The following KCNJ3 variants were observed in gnomAD, a reference collection of about 807,000 sequenced individuals.
KCNJ3 encodes the protein G protein-activated inward rectifier potassium channel 1.
Under a neutral mutation model 39.2 loss-of-function variants are expected in KCNJ3, and 4 were observed. That is an observed-to-expected ratio of 0.10 (90% CI 0.05 to 0.23). KCNJ3 has a LOEUF of 0.23. Ranked by LOEUF, KCNJ3 falls within the 10% of genes least tolerant of loss-of-function variation. The pLI, the probability that KCNJ3 is intolerant of heterozygous loss-of-function variation, is 1.00. For missense variants in KCNJ3, 276 were observed against 634.9 expected, an observed-to-expected ratio of 0.43 and a Z score of 6.08; for synonymous variants, 230 against 237.4, an observed-to-expected ratio of 0.97 and a Z score of 0.29.
intron 2 of KCNJ3, among the ~76,000 whole-genome samples, chr2:154,819,939 A>G (rs950300448): frequency 6.6e-6 from 1 of 152,000 alleles, no homozygotes; most frequent in African/African-American, 2.4e-5. Flanking sequence ...TATGATGAGT[A>G]TGTTCAAATT....
intron 2 of KCNJ3, among the ~76,000 whole-genome samples, chr2:154,839,334 T>C (rs988971310): frequency 5.2e-5 from 8 of 152,386 alleles, no homozygotes; most frequent in East Asian, 3.9e-4. Flanking sequence ...CAGTCTATCA[T>C]TGATGGACAT....
At chr2:154,753,645 AT>A (rs1263843081) in intron 2 of KCNJ3, among the ~76,000 whole-genome samples, 20 of 152,148 alleles carry the variant, frequency 1.3e-4, no homozygotes, top group Non-Finnish European at 1.9e-4. Flanking sequence ...AAAAATGTGT[AT>A]TTGACAACTC....
intron 2 of KCNJ3, among the ~76,000 whole-genome samples, chr2:154,736,567 T>G (rs1307660204): frequency 6.6e-6 from 1 of 151,948 alleles, no homozygotes; most frequent in Non-Finnish European, 1.5e-5. Flanking sequence ...ACTCAGAGGG[T>G]TTTACAATGT....
chr2:154,830,183 A>T (rs927959049), intron 2 of KCNJ3, among the ~76,000 whole-genome samples: 2 of 152,186 alleles, frequency 1.3e-5, no homozygotes, highest in Non-Finnish European at 2.9e-5. Context: ...CTAGTGTTTT[A>T]AATTATGTTT....
intron 2 of KCNJ3, among the ~76,000 whole-genome samples, chr2:154,769,684 G>T (rs1686203817): frequency 6.6e-6 from 1 of 152,102 alleles, no homozygotes; most frequent in South Asian, 2.1e-4. Context: ...TTGGTATCAG[G>T]ATGATGCTGG....
chr2:154,774,818 A>C (rs1242292683), intron 2 of KCNJ3, among the ~76,000 whole-genome samples: 1 of 152,228 alleles, frequency 6.6e-6, no homozygotes, highest in Non-Finnish European at 1.5e-5. Flanking sequence ...TTTATGTTTA[A>C]AATTTAGATA....
intron 2 of KCNJ3, among the ~76,000 whole-genome samples, chr2:154,734,786 A>T (rs1685498056): frequency 6.6e-6 from 1 of 152,150 alleles, no homozygotes; most frequent in African/African-American, 2.4e-5. Context: ...GTTTGATTTT[A>T]TAGAGTTTTG....
intron 2 of KCNJ3, among the ~76,000 whole-genome samples, chr2:154,826,089 TC>T (rs1687266340): frequency 6.6e-6 from 1 of 152,142 alleles, no homozygotes; most frequent in Non-Finnish European, 1.5e-5. Context: ...AGTAAATATT[TC>T]CCATATTTAA....
chr2:154,716,266 C>G (rs922914946), intron 2 of KCNJ3, among the ~76,000 whole-genome samples: 1 of 137,334 alleles, frequency 7.3e-6, no homozygotes, highest in African/African-American at 2.6e-5. Flanking sequence ...CCTGCCACCA[C>G]GGCCGGCTAA....
chr2:154,773,152 A>G (rs1324200890), intron 2 of KCNJ3, among the ~76,000 whole-genome samples: 3 of 152,134 alleles, frequency 2.0e-5, no homozygotes, highest in Non-Finnish European at 4.4e-5. Context: ...GCACATTTTG[A>G]CTATTGAAAT....
In KCNJ3 at chr2:154,805,101, T is replaced by C. The variant is rs948186944; in HGVS notation, c.920-49626T>C. 2.6e-5 allele frequency among the ~76,000 whole-genome samples: 4 copies of C among 152,082 alleles called. No individual in the cohort carries two copies. The South Asian group carries it at 8.3e-4, about 31-fold the overall frequency. ...AGAAGTGAACTTAGCAATTGGAATA[T>C]GGTGTGGAATTGAAAAGTTGCAATC... On this transcript the variant is annotated intron_variant, in intron 2 of 2. Coordinates refer to ENST00000295101, the MANE Select transcript of KCNJ3 (RefSeq NM_002239.4).
At chr2:154,750,080 C>G (rs958541567) in intron 2 of KCNJ3, among the ~76,000 whole-genome samples, 2 of 151,906 alleles carry the variant, frequency 1.3e-5, no homozygotes, top group Non-Finnish European at 1.5e-5. Context: ...GCAAGTATGT[C>G]CTCTTATTAA....
chr2:154,846,206 TTCC>T (rs1687660364), intron 2 of KCNJ3, among the ~76,000 whole-genome samples: 1 of 143,358 alleles, frequency 7.0e-6, no homozygotes, highest in Non-Finnish European at 1.5e-5. Flanking sequence ...TTATATATAC[TTCC>T]TCATATTCCA....
At chr2:154,763,730 A>G (rs189772079) in intron 2 of KCNJ3, among the ~76,000 whole-genome samples, 2 of 152,272 alleles carry the variant, frequency 1.3e-5, no homozygotes, top group African/African-American at 2.4e-5. Context: ...CCCCAGCTGT[A>G]CCTTCTAGCT....
chr2:154,830,956 C>T (rs1347773488), intron 2 of KCNJ3, among the ~76,000 whole-genome samples: 2 of 152,138 alleles, frequency 1.3e-5, no homozygotes, highest in African/African-American at 4.8e-5. Context: ...GAAATTGTTC[C>T]TAGCCAGCCT....
At chr2:154,842,833 T>C (rs1687598703) in intron 2 of KCNJ3, among the ~76,000 whole-genome samples, 2 of 152,196 alleles carry the variant, frequency 1.3e-5, no homozygotes, top group African/African-American at 2.4e-5. Flanking sequence ...CCTATGTGCG[T>C]CTTTGCACGT....
chr2:154,799,979 A>T (rs1686783685), intron 2 of KCNJ3, among the ~76,000 whole-genome samples: 1 of 152,168 alleles, frequency 6.6e-6, no homozygotes, highest in Non-Finnish European at 1.5e-5. Context: ...AGTGGGTTGA[A>T]ATTTCAAATA....
chr2:154,768,656 T>A (rs1344718038), intron 2 of KCNJ3, among the ~76,000 whole-genome samples: 2 of 152,296 alleles, frequency 1.3e-5, no homozygotes, highest in African/African-American at 4.8e-5. Flanking sequence ...CTTAGGATTG[T>A]CTTGGCAATG....
intron 2 of KCNJ3, among the ~76,000 whole-genome samples, chr2:154,714,272 A>G (rs991784037): frequency 1.3e-5 from 2 of 152,070 alleles, no homozygotes; most frequent in Admixed American, 1.3e-4. Flanking sequence ...AAACCTTATT[A>G]TTTATTTGTC....
Sources: allele counts gnomAD v4.1 joint callset (sites outside exome capture counted in the v4.1 genomes callset), GRCh38; gene constraint gnomAD v4.1.1; transcripts MANE v1.5; gene names NCBI Gene and HGNC (gene_info 2026-07-23, HGNC 2026-07-21).